Variants in CNTN5 observed in about 807,000 individuals in gnomAD.
CNTN5 encodes contactin 5, also known as contactin-5.
Under a neutral mutation model 129.1 loss-of-function variants are expected in CNTN5, and 77 were observed. The observed-to-expected ratio is 0.60, with a 90% CI of 0.50 to 0.72. The LOEUF is 0.72. Ranked by LOEUF, CNTN5 falls within the 30% of genes least tolerant of loss-of-function variation. The pLI is 0.00. For missense variants in CNTN5, 1,478 were observed against 1,328.8 expected (o/e 1.11, Z -1.75); for synonymous variants, 509 against 465.6 (o/e 1.09, Z -1.20).
chr11:99,816,022 C>T (rs762684342), intron 3 of CNTN5, among the ~76,000 whole-genome samples: 1 of 152,138 alleles, frequency 6.6e-6, no homozygotes, highest in Non-Finnish European at 1.5e-5. Context: ...CACTGCCCTT[C>T]ACCATCAATT....
chr11:100,090,717 A>G (rs1944750251), intron 13 of CNTN5, among the ~76,000 whole-genome samples: 1 of 151,592 alleles, frequency 6.6e-6, no homozygotes, highest in Admixed American at 6.6e-5. Flanking sequence ...GTGTCCTTAC[A>G]TGGTAGAAAG....
intron 3 of CNTN5, among the ~76,000 whole-genome samples, chr11:99,719,900 C>T (rs1264053048): frequency 2.6e-5 from 4 of 152,052 alleles, no homozygotes; most frequent in African/African-American, 4.8e-5. Flanking sequence ...ACTATGAACA[C>T]CTCTACACAC....
intron 9 of CNTN5, among the ~76,000 whole-genome samples, chr11:100,048,613 A>G (rs909975882): frequency 6.6e-6 from 1 of 152,066 alleles, no homozygotes; most frequent in Non-Finnish European, 1.5e-5. Flanking sequence ...TAGACACTGC[A>G]GAAGAAAAGA....
At chr11:99,250,516 T>C (rs997612749) in intron 1 of CNTN5, among the ~76,000 whole-genome samples, 12 of 151,064 alleles carry the variant, frequency 7.9e-5, no homozygotes, top group Non-Finnish European at 1.6e-4. Context: ...AAATCAGCTG[T>C]AGCAATATTA....
Position 99,309,557 on chromosome 11 carries a change from G to C in CNTN5, c.-209-15789G>C, listed in dbSNP as rs544260415. On this transcript the variant is annotated intron_variant, in intron 1 of 24. Coordinates refer to ENST00000524871, the MANE Select transcript of CNTN5 (RefSeq NM_014361.4). ...TCTGTGCTTTTGCAGTCCAGAAATTGTCCAAGGATCTAAGAAATATTTTCA... is the reference window on the plus strand; with the variant it reads ...TCTGTGCTTTTGCAGTCCAGAAATTCTCCAAGGATCTAAGAAATATTTTCA... Among the ~76,000 whole-genome samples, 5 of 152,292 alleles carry C rather than the reference G, an allele frequency of 3.3e-5. No individual in the cohort carries two copies. The East Asian group carries it at 7.7e-4, about 24-fold the overall frequency.
rs553749314 is a variant in CNTN5, at chr11:99,771,711, G to A, written c.56-47833G>A. On this transcript the variant is annotated intron_variant, in intron 3 of 24. Transcript: ENST00000524871. Reference sequence around the variant, plus strand: ...TCAATTAGAAGATGACCACATTCTGGGGATTTAATATACAGCATGTCAAGT... The same window carrying A: ...TCAATTAGAAGATGACCACATTCTGAGGATTTAATATACAGCATGTCAAGT... Among the ~76,000 whole-genome samples, 5 of 151,834 alleles carry A rather than the reference G, an allele frequency of 3.3e-5. No homozygotes were observed. The South Asian group carries it at 1.0e-3, about 31-fold the overall frequency.
intron 6 of CNTN5, among the ~76,000 whole-genome samples, chr11:99,858,937 C>CA (rs1472209680): frequency 1.3e-5 from 2 of 149,104 alleles, no homozygotes; most frequent in Admixed American, 6.8e-5. Flanking sequence ...ATTTGAACTT[C>CA]AAAAAATCCT....
At chr11:99,076,026 T>C (rs1303405660) in intron 1 of CNTN5, among the ~76,000 whole-genome samples, 1 of 152,140 alleles carries the variant, frequency 6.6e-6, no homozygotes, top group Non-Finnish European at 1.5e-5. Flanking sequence ...AACTTATTTA[T>C]TCCAATACGA....
intron 3 of CNTN5, among the ~76,000 whole-genome samples, chr11:99,578,059 A>G (rs1263154653): frequency 7.1e-6 from 1 of 141,328 alleles, no homozygotes; most frequent in Non-Finnish European, 1.5e-5. Flanking sequence ...ATTCCCATCT[A>G]TGAGTGAGAA....
At chr11:99,950,340 G>A (rs572382250) in intron 7 of CNTN5, among the ~76,000 whole-genome samples, 1 of 152,166 alleles carries the variant, frequency 6.6e-6, no homozygotes, top group East Asian at 1.9e-4. Context: ...AATTAGCCAG[G>A]TGTGGTGGTG....
intron 3 of CNTN5, among the ~76,000 whole-genome samples, chr11:99,783,948 T>C (rs1248900030): frequency 6.6e-6 from 1 of 151,738 alleles, no homozygotes; most frequent in Non-Finnish European, 1.5e-5. Context: ...TGTGCACATG[T>C]ACCCTAAAAT....
At chr11:99,483,208 A>G (rs969403280) in intron 2 of CNTN5, among the ~76,000 whole-genome samples, 1 of 147,506 alleles carries the variant, frequency 6.8e-6, no homozygotes, top group Non-Finnish European at 1.5e-5. Context: ...AAAAAGTTTT[A>G]GAACAGAAAC....
Position 99,628,682 on chromosome 11 carries a change from G to A in CNTN5, c.55+72413G>A, listed in dbSNP as rs576430583. 4.7e-5 allele frequency among the ~76,000 whole-genome samples: 6 copies of A among 127,188 alleles called. No homozygotes were observed. In the South Asian group the frequency reaches 1.5e-3, roughly 33 times the overall value. 83.4% of individuals were successfully genotyped at this position (127,188 alleles called of 152,430 possible). A position where few individuals can be genotyped will look rare whatever the true frequency, so the allele number is the denominator to read the frequency against. ...GAGATAAATAATATTTATCAACATT[G>A]AATATAACAGCTCATAAATCTTATA... On this transcript the variant is annotated intron_variant, in intron 3 of 24. Coordinates refer to ENST00000524871, the MANE Select transcript of CNTN5 (RefSeq NM_014361.4).
chr11:100,172,806 T>A (rs1223911660), intron 13 of CNTN5, among the ~76,000 whole-genome samples: 1 of 152,050 alleles, frequency 6.6e-6, no homozygotes, highest in East Asian at 1.9e-4. Context: ...AGGTTATGAT[T>A]ATGAGGAATA....
chr11:99,251,345 A>G (rs1862094369), intron 1 of CNTN5, among the ~76,000 whole-genome samples: 1 of 151,964 alleles, frequency 6.6e-6, no homozygotes, highest in Admixed American at 6.6e-5. Context: ...CTCCAGGTAT[A>G]CATGTGTGTG....
chr11:99,206,395 C>G (rs11218817), intron 1 of CNTN5, among the ~76,000 whole-genome samples: 21,191 of 151,932 alleles, frequency 0.14, 1,556 homozygotes, highest in African/African-American at 0.17. Flanking sequence ...TTCCCCAGGT[C>G]GTCTCAATGT....
At position 99,021,021 on chromosome 11, in the gene CNTN5, GAAGGCGGCAGCCA is replaced by G. The variant is rs1323197146; in HGVS notation, c.-455_-443del. 1 of 152,748 alleles carries G rather than the reference GAAGGCGGCAGCCA, an allele frequency of 6.5e-6. No individual in the cohort carries two copies. The highest frequency in any genetic ancestry group is 1.5e-5 in the Non-Finnish European group (1 of 68,446). The allele number at this position is 152,748 out of a possible 1,614,324, so 9.5% of individuals were successfully genotyped here. A position where few individuals can be genotyped will look rare whatever the true frequency, so the allele number is the denominator to read the frequency against. ...ACGGCGTGGGGGAGCGGAACTGCGA[GAAGGCGGCAGCCA>G]AAGTGCCATTAAAGCTCGGGGCGGA... On this transcript the variant is annotated 5_prime_UTR_variant, in exon 1 of 25. Transcript: ENST00000524871.
intron 2 of CNTN5, among the ~76,000 whole-genome samples, chr11:99,516,350 T>C (rs1176871411): frequency 6.6e-6 from 1 of 152,116 alleles, no homozygotes; most frequent in African/African-American, 2.4e-5. Flanking sequence ...TAACCTTGGG[T>C]AATTAAAATT....
chr11:99,233,384 A>ATATT (rs1242369803), intron 1 of CNTN5, among the ~76,000 whole-genome samples: 3 of 152,238 alleles, frequency 2.0e-5, no homozygotes, highest in Admixed American at 6.5e-5. Flanking sequence ...TTTCAAAAGC[A>ATATT]TATTATGTGT....
Sources: allele counts gnomAD v4.1 joint callset (sites outside exome capture counted in the v4.1 genomes callset), GRCh38; gene constraint gnomAD v4.1.1; transcripts MANE v1.5; gene names NCBI Gene and HGNC (gene_info 2026-07-23, HGNC 2026-07-21).